Variants in SCAPER observed in about 807,000 individuals in gnomAD.
SCAPER encodes S phase cyclin A-associated protein in the endoplasmic reticulum.
SCAPER carries 98 observed loss-of-function variants against 182.2 expected under a neutral mutation model. The observed-to-expected ratio is 0.54, with a 90% confidence interval of 0.46 to 0.64. SCAPER has a LOEUF of 0.64. SCAPER is among the 30% of genes least tolerant of loss of function. The pLI is 0.00. For synonymous variants in SCAPER, 605 were observed against 564.6 expected (o/e 1.07, Z -1.01); for missense variants, 1,432 against 1,690.0 (o/e 0.85, Z 2.68).
intron 25 of SCAPER, among the ~76,000 whole-genome samples, chr15:76,435,068 C>G (rs2047109665): frequency 6.6e-6 from 1 of 152,238 alleles, no homozygotes; most frequent in African/African-American, 2.4e-5. Flanking sequence ...ATCAGTTCTA[C>G]CAAAGATAGA....
intron 23 of SCAPER, among the ~76,000 whole-genome samples, chr15:76,515,308 G>A (rs149017984): frequency 3.3e-5 from 5 of 152,316 alleles, no homozygotes; most frequent in Non-Finnish European, 7.4e-5. Context: ...GTAACTGAAG[G>A]ACAGAAGCAG....
At chr15:76,449,357 T>C (rs996588098) in intron 25 of SCAPER, among the ~76,000 whole-genome samples, 1 of 152,248 alleles carries the variant, frequency 6.6e-6, no homozygotes, top group Admixed American at 6.5e-5. Flanking sequence ...GATTTTGATC[T>C]GTATTCTATA....
intron 23 of SCAPER, among the ~76,000 whole-genome samples, chr15:76,547,080 T>C (rs1396389179): frequency 6.6e-6 from 1 of 152,162 alleles, no homozygotes; most frequent in Non-Finnish European, 1.5e-5. Flanking sequence ...AATGGAGATT[T>C]TGGGGTTGAA....
Position 76,355,942 on chromosome 15 carries a change from T to G in SCAPER, c.3856-1802A>C, listed in dbSNP as rs181445586. 2.0e-5 allele frequency among the ~76,000 whole-genome samples: 3 copies of G among 152,352 alleles called. No individual in the cohort carries two copies. In the East Asian group the frequency reaches 5.8e-4, roughly 29 times the overall value. On this transcript the variant is annotated intron_variant, in intron 29 of 31. Coordinates refer to ENST00000563290, the MANE Select transcript of SCAPER (RefSeq NM_020843.4). Reference sequence around the variant, plus strand: ...GGATTGCAGAAGATGCAAATGGATGTAGGCAGTTTGGTTACCATTGGAGTT... The same window carrying G: ...GGATTGCAGAAGATGCAAATGGATGGAGGCAGTTTGGTTACCATTGGAGTT...
chr15:76,777,492 A>G (rs1453957227), intron 8 of SCAPER, among the ~76,000 whole-genome samples: 1 of 152,082 alleles, frequency 6.6e-6, no homozygotes, highest in African/African-American at 2.4e-5. Flanking sequence ...TGAGGTCAGA[A>G]GTTAATGACC....
chr15:76,838,981 C>T (rs1448456450), intron 5 of SCAPER, among the ~76,000 whole-genome samples: 1 of 152,206 alleles, frequency 6.6e-6, no homozygotes, highest in East Asian at 1.9e-4. Context: ...CCCTAGCTTA[C>T]TTGGTAAGAG....
At chr15:76,692,798 A>G (rs1431018248) in intron 20 of SCAPER, among the ~76,000 whole-genome samples, 5 of 151,152 alleles carry the variant, frequency 3.3e-5, no homozygotes, top group Middle Eastern at 3.4e-3. Context: ...GGTAAAAAGG[A>G]AAAAAAAAGT....
At chr15:76,459,379 T>C (rs2048980144) in intron 25 of SCAPER, among the ~76,000 whole-genome samples, 1 of 152,154 alleles carries the variant, frequency 6.6e-6, no homozygotes, top group Admixed American at 6.5e-5. Context: ...ATATTCTGTA[T>C]ATATTCTAAC....
chr15:76,753,695 T>C, intron 15 of SCAPER, 113 bp downstream of exon 15: 1 of 1,241,176 alleles, frequency 8.1e-7, no homozygotes, highest in East Asian at 2.5e-5. Flanking sequence ...TAAAATGCTG[T>C]TATTCTACAA....
chr15:76,770,609 A>C (rs1413154439), intron 10 of SCAPER, among the ~76,000 whole-genome samples: 2 of 152,172 alleles, frequency 1.3e-5, no homozygotes, highest in African/African-American at 4.8e-5. Context: ...GCAAGTTTAT[A>C]TATGTGATGA....
intron 21 of SCAPER, among the ~76,000 whole-genome samples, chr15:76,645,822 A>G (rs2054501010): frequency 6.6e-6 from 1 of 152,228 alleles, no homozygotes; most frequent in Non-Finnish European, 1.5e-5. Flanking sequence ...CACAAAGTAA[A>G]TAACCAAATA....
At chr15:76,517,068 T>C (rs2042483676) in intron 23 of SCAPER, among the ~76,000 whole-genome samples, 1 of 152,100 alleles carries the variant, frequency 6.6e-6, no homozygotes, top group Non-Finnish European at 1.5e-5. Context: ...TCTAGGTTTA[T>C]CTGATTTCTG....
At chr15:76,442,098 T>C (rs2047655428) in intron 25 of SCAPER, among the ~76,000 whole-genome samples, 1 of 152,156 alleles carries the variant, frequency 6.6e-6, no homozygotes, top group Non-Finnish European at 1.5e-5. Flanking sequence ...TTAGTCATCC[T>C]GGGCAAAGGT....
intron 2 of SCAPER, among the ~76,000 whole-genome samples, chr15:76,871,744 C>T (rs1253967815): frequency 1.3e-5 from 2 of 151,796 alleles, no homozygotes; most frequent in Non-Finnish European, 2.9e-5. Flanking sequence ...GCACACGCCA[C>T]CATGCTCGGC....
intron 21 of SCAPER, among the ~76,000 whole-genome samples, chr15:76,639,131 C>G (rs1460048014): frequency 6.6e-6 from 1 of 152,122 alleles, no homozygotes; most frequent in Non-Finnish European, 1.5e-5. Context: ...AGAGGCTGAT[C>G]ACATACTGAA....
At chr15:76,744,103 T>C (rs529884056) in intron 15 of SCAPER, among the ~76,000 whole-genome samples, 1 of 152,196 alleles carries the variant, frequency 6.6e-6, no homozygotes, top group African/African-American at 2.4e-5. Flanking sequence ...ACAACAAAAC[T>C]AGACCCTTAC....
At chr15:76,547,552 A>G (rs750138134) in intron 23 of SCAPER, among the ~76,000 whole-genome samples, 3 of 152,108 alleles carry the variant, frequency 2.0e-5, no homozygotes, top group Non-Finnish European at 2.9e-5. Flanking sequence ...GGGATCTCAA[A>G]TTCTTTTCTA....
chr15:76,374,867 A>G (rs577550469), intron 29 of SCAPER, among the ~76,000 whole-genome samples: 1 of 152,148 alleles, frequency 6.6e-6, no homozygotes, highest in South Asian at 2.1e-4. Context: ...AGTTTCAAAG[A>G]TAAAGAGAAA....
intron 17 of SCAPER, among the ~76,000 whole-genome samples, chr15:76,722,365 C>G (rs2060299549): frequency 6.6e-6 from 1 of 152,200 alleles, no homozygotes; most frequent in Admixed American, 6.5e-5. Context: ...CAATGTTCAT[C>G]AAGGATATTG....
Sources: gnomAD v4.1 joint callset for allele counts (sites outside exome capture counted in the v4.1 genomes callset) on GRCh38, gnomAD v4.1.1 for gene constraint, MANE v1.5 for transcripts, NCBI Gene and HGNC (gene_info 2026-07-23, HGNC 2026-07-21) for gene names.